Variants in L2HGDH observed in about 807,000 individuals in gnomAD.
L2HGDH encodes L-2-hydroxyglutarate dehydrogenase, mitochondrial.
In L2HGDH, 34 loss-of-function variants were observed where a neutral mutation model predicts 51.5. The observed-to-expected ratio is 0.66, with a 90% confidence interval of 0.50 to 0.88. The LOEUF (loss-of-function observed/expected upper bound fraction) is 0.88. L2HGDH is among the 40% of genes least tolerant of loss of function. The pLI is 0.00. For synonymous variants in L2HGDH, 198 were observed against 197.9 expected, an observed-to-expected ratio of 1.00 and a Z score of -0.01; for missense variants, 558 against 571.9, an observed-to-expected ratio of 0.98 and a Z score of 0.25.
chr14:50,250,088 G>C (rs1888256986), intron 9 of L2HGDH, among the ~76,000 whole-genome samples: 1 of 152,052 alleles, frequency 6.6e-6, no homozygotes, highest in African/African-American at 2.4e-5. Context: ...TTTTAGTAGA[G>C]ATGGGGTTTC....
chr14:50,303,863 T>C (rs973011407), intron 1 of L2HGDH, among the ~76,000 whole-genome samples: 18 of 140,866 alleles, frequency 1.3e-4, no homozygotes, highest in Admixed American at 7.8e-4. Context: ...GTCAGTAGTA[T>C]AATCAACTAC....
At chr14:50,255,550 AAAAGAAAAG>A (rs1280983254) in intron 9 of L2HGDH, among the ~76,000 whole-genome samples, 2 of 150,668 alleles carry the variant, frequency 1.3e-5, no homozygotes, top group East Asian at 1.9e-4. Flanking sequence ...AAAAAAAAAA[AAAAGAAAAG>A]AAAAAGAAAA....
At chr14:50,281,521 G>A (rs1431124128) in intron 5 of L2HGDH, among the ~76,000 whole-genome samples, 1 of 152,158 alleles carries the variant, frequency 6.6e-6, no homozygotes, top group Non-Finnish European at 1.5e-5. Flanking sequence ...AAACCCAGGA[G>A]GCAGAGTTTG....
chr14:50,283,848 T>C (rs1424771372), intron 5 of L2HGDH, 23 bp downstream of exon 5: 9 of 1,609,166 alleles, frequency 5.6e-6, no homozygotes, highest in East Asian at 4.5e-5. Context: ...CTATATTCAA[T>C]AGAAAAGACA....
chr14:50,278,624 G>T, intron 5 of L2HGDH, 70 bp from the exon 6 acceptor site: 1 of 820,748 alleles, frequency 1.2e-6, no homozygotes, highest in Non-Finnish European at 2.0e-6. Flanking sequence ...TATCATACTA[G>T]AAACAAACTT....
chr14:50,309,022 GTTTTGAGAGT>G (rs71118866), intron 1 of L2HGDH, among the ~76,000 whole-genome samples: 80,392 of 151,616 alleles, frequency 0.53, 21,415 homozygotes, highest in East Asian at 0.65. Context: ...CCAAAGGCTT[GTTTTGAGAGT>G]TCTTTATGTA....
At chr14:50,262,870 C>G (rs1022957218) in intron 9 of L2HGDH, among the ~76,000 whole-genome samples, 4 of 152,064 alleles carry the variant, frequency 2.6e-5, no homozygotes, top group African/African-American at 9.7e-5. Flanking sequence ...AATTAGTTAG[C>G]TTTTCTCTCT....
At chr14:50,296,394 A>AAAAC (rs2030054266) in intron 3 of L2HGDH, among the ~76,000 whole-genome samples, 1 of 150,166 alleles carries the variant, frequency 6.7e-6, no homozygotes, top group African/African-American at 2.4e-5. Context: ...AAAAAAAAAA[A>AAAAC]AAACTTATAT....
In L2HGDH at chr14:50,297,315, C is replaced by G. The variant is rs150955118; in HGVS notation, c.409-3069G>C. On this transcript the variant is annotated intron_variant, in intron 3 of 9. Transcript: ENST00000267436. ...CATCTAAATTGGAAAAGAAGTAAAA[C>G]TAACTTATTTGCAGATGACATGATC... Among the ~76,000 whole-genome samples the G allele has an allele frequency of 5.0e-4, 76 of 152,102 alleles. 2 individuals are homozygous for G. Among genetic ancestry groups the G allele is most frequent in the Non-Finnish European group, 8.8e-5 (6 of 67,986 alleles).
chr14:50,268,197 G>A (rs1002987629), intron 7 of L2HGDH, among the ~76,000 whole-genome samples: 1 of 151,878 alleles, frequency 6.6e-6, no homozygotes, highest in Non-Finnish European at 1.5e-5. Flanking sequence ...TGGCCAACAT[G>A]GTGAAACCCC....
At chr14:50,280,259 C>T (rs111692242) in intron 5 of L2HGDH, among the ~76,000 whole-genome samples, 10 of 151,294 alleles carry the variant, frequency 6.6e-5, no homozygotes, top group South Asian at 4.2e-4. Flanking sequence ...CTCTGCCCAC[C>T]GGATTCCAGC....
Position 50,247,121 on chromosome 14 carries a change from A to C in L2HGDH, c.1329T>G (p.Ala443=), listed in dbSNP as rs1566498433. The C allele has an allele frequency of 6.2e-7, 1 of 1,614,092 alleles. No homozygotes were observed. Among genetic ancestry groups the C allele is most frequent in the Non-Finnish European group, 8.5e-7 (1 of 1,179,942 alleles). Reference sequence around the variant, plus strand: ...TTCCAGAAATTGCAATGGAAGAAGTAGCAGCAGGAGAAGGTGCATTTCTCA... The same window carrying C: ...TTCCAGAAATTGCAATGGAAGAAGTCGCAGCAGGAGAAGGTGCATTTCTCA... ...LHVRNAPSPA[A]TSSIAISGMI... Residue 443 remains alanine (A), a synonymous_variant, in exon 10 of 10, where the codon GCT becomes GCG. Coordinates refer to ENST00000267436, the MANE Select transcript of L2HGDH (RefSeq NM_024884.3).
chr14:50,295,526 C>G (rs2029980329), intron 3 of L2HGDH, among the ~76,000 whole-genome samples: 1 of 151,574 alleles, frequency 6.6e-6, no homozygotes, highest in South Asian at 2.1e-4. Flanking sequence ...CCCACCTCGG[C>G]CTCCCTAGAA....
In L2HGDH at chr14:50,257,795, G is replaced by C. The variant is rs73275114; in HGVS notation, c.1196+7563C>G. Among the ~76,000 whole-genome samples, 189 of 142,820 alleles carry C rather than the reference G, an allele frequency of 1.3e-3. 2 individuals are homozygous for C. The highest frequency in any genetic ancestry group is 4.6e-3 in the African/African-American group (176 of 38,524). 93.7% of individuals were successfully genotyped at this position (142,820 alleles called of 152,430 possible). On this transcript the variant is annotated intron_variant, in intron 9 of 9. Transcript: ENST00000267436. The stretch of plus-strand genomic sequence containing the variant: ...TTCATGTTTTCATTACCTTGTTTTT[G>C]ATTAATTGAAGCATATTTACTTTAC...
chr14:50,268,680 C>T (rs958742016), intron 7 of L2HGDH, among the ~76,000 whole-genome samples: 1 of 152,110 alleles, frequency 6.6e-6, no homozygotes, highest in Non-Finnish European at 1.5e-5. Flanking sequence ...TCATCTGGTT[C>T]GACCTAATAT....
chr14:50,280,826 T>A (rs1037364489), intron 5 of L2HGDH, among the ~76,000 whole-genome samples: 11 of 151,486 alleles, frequency 7.3e-5, no homozygotes, highest in African/African-American at 2.4e-4. Flanking sequence ...AAAAAAAAAA[T>A]TTTTTTGAGA....
At chr14:50,268,927 A>C (rs60167764) in intron 7 of L2HGDH, among the ~76,000 whole-genome samples, 4,810 of 152,302 alleles carry the variant, frequency 0.032, 243 homozygotes, top group African/African-American at 0.11. Flanking sequence ...AGCACTTCCC[A>C]GAGTGCACTC....
intron 3 of L2HGDH, among the ~76,000 whole-genome samples, chr14:50,295,727 ATTT>A (rs1015053621): frequency 7.2e-6 from 1 of 139,020 alleles, no homozygotes; most frequent in Non-Finnish European, 1.6e-5. Flanking sequence ...CAGCCCTACA[ATTT>A]TTTTTTCATA....
At chr14:50,277,196 G>GTT (rs923361892) in intron 6 of L2HGDH, among the ~76,000 whole-genome samples, 9 of 132,552 alleles carry the variant, frequency 6.8e-5, no homozygotes, top group African/African-American at 1.6e-4. Context: ...AAAGTAGACT[G>GTT]TTTTTTTTTT....
Sources: allele counts gnomAD v4.1 joint callset (sites outside exome capture counted in the v4.1 genomes callset), GRCh38; gene constraint gnomAD v4.1.1; transcripts MANE v1.5; gene names NCBI Gene and HGNC (gene_info 2026-07-23, HGNC 2026-07-21).